MAGI1: variants seen among roughly 807,000 people sequenced by gnomAD.
The protein encoded by MAGI1 is membrane-associated guanylate kinase, WW and PDZ domain-containing protein 1.
Under a neutral mutation model 139.9 loss-of-function variants are expected in MAGI1, and 58 were observed. That is an observed-to-expected ratio of 0.41 (90% CI 0.34 to 0.52). The LOEUF (loss-of-function observed/expected upper bound fraction) is 0.52. Among genes scored for constraint, MAGI1 ranks in the 20% least tolerant of loss-of-function variants. The pLI, the probability that MAGI1 is intolerant of heterozygous loss-of-function variation, is 0.12. For synonymous variants in MAGI1, 812 were observed against 737.9 expected (o/e 1.10, Z -1.63); for missense variants, 1,874 against 1,901.6 (o/e 0.99, Z 0.27).
intron 4 of MAGI1, among the ~76,000 whole-genome samples, chr3:65,474,568 A>G (rs1489303555): frequency 6.6e-6 from 1 of 152,050 alleles, no homozygotes; most frequent in African/African-American, 2.4e-5. Flanking sequence ...ACGAACATGA[A>G]TGACATTTTT....
chr3:65,393,458 T>C (rs1394579182), intron 13 of MAGI1, among the ~76,000 whole-genome samples: 2 of 152,200 alleles, frequency 1.3e-5, no homozygotes, highest in African/African-American at 4.8e-5. Context: ...ATACTTTTTA[T>C]AATCAAGACA....
At chr3:65,532,835 A>G (rs1053116378) in intron 2 of MAGI1, 3 of 152,086 alleles carry the variant, frequency 2.0e-5, no homozygotes, top group African/African-American at 7.3e-5. Context: ...TTGCAGAGCA[A>G]TTTTCCCCAT....
At chr3:65,995,112 A>T (rs976240167) in intron 1 of MAGI1, among the ~76,000 whole-genome samples, 2 of 151,990 alleles carry the variant, frequency 1.3e-5, no homozygotes, top group Non-Finnish European at 2.9e-5. Context: ...CTGACCCTCA[A>T]CTCTTGCCCA....
At chr3:65,519,024 TG>T (rs1355640317) in intron 2 of MAGI1, among the ~76,000 whole-genome samples, 1 of 152,084 alleles carries the variant, frequency 6.6e-6, no homozygotes, top group Non-Finnish European at 1.5e-5. Flanking sequence ...GCAGGAGCCA[TG>T]GGCCAGGCCT....
chr3:65,438,251 T>C (rs976494152), intron 9 of MAGI1, among the ~76,000 whole-genome samples: 2 of 152,110 alleles, frequency 1.3e-5, no homozygotes, highest in African/African-American at 4.8e-5. Flanking sequence ...CTAGAGACCA[T>C]TACCTTAAGT....
chr3:65,457,959 T>C (rs981455931), intron 5 of MAGI1, among the ~76,000 whole-genome samples: 1 of 152,150 alleles, frequency 6.6e-6, no homozygotes, highest in Non-Finnish European at 1.5e-5. Flanking sequence ...TCCACCACCC[T>C]TCCCAGCCTC....
rs139114158 is a variant in MAGI1 at position 65,807,539 on chromosome 3, A to G, written c.314-185451T>C. Among the ~76,000 whole-genome samples, 200 of 152,312 alleles carry G rather than the reference A, an allele frequency of 1.3e-3. 3 individuals are homozygous for G. The East Asian group carries it at 0.033, about 25-fold the overall frequency. On this transcript the variant is annotated intron_variant, in intron 1 of 22. Coordinates refer to ENST00000402939, the MANE Select transcript of MAGI1 (RefSeq NM_001033057.2). ...TTTCACACCATAGCAGAGGGTGACC[A>G]GGGGTTCGCAAACAAGCCTAACTTA...
chr3:65,569,104 T>G (rs544992129), intron 2 of MAGI1, among the ~76,000 whole-genome samples: 4 of 152,314 alleles, frequency 2.6e-5, no homozygotes, highest in Non-Finnish European at 5.9e-5. Context: ...CAGCCTTAAA[T>G]AAGAATGAAG....
intron 1 of MAGI1, among the ~76,000 whole-genome samples, chr3:65,973,970 T>C (rs1265263648): frequency 2.6e-5 from 4 of 152,192 alleles, no homozygotes; most frequent in Non-Finnish European, 5.9e-5. Flanking sequence ...TTGCATTAAT[T>C]TCATCTAAAA....
chr3:65,871,073 G>T (rs1451437207), intron 1 of MAGI1, among the ~76,000 whole-genome samples: 1 of 151,954 alleles, frequency 6.6e-6, no homozygotes, highest in Non-Finnish European at 1.5e-5. Flanking sequence ...TGAGAAGCTG[G>T]AACTACAGGC....
chr3:66,001,069 G>C (rs1461517093), intron 1 of MAGI1, among the ~76,000 whole-genome samples: 2 of 152,194 alleles, frequency 1.3e-5, no homozygotes, highest in Non-Finnish European at 2.9e-5. Flanking sequence ...TCAAATAGGG[G>C]AGACAGAAAG....
intron 2 of MAGI1, among the ~76,000 whole-genome samples, chr3:65,505,668 AGGG>A (rs2077256236): frequency 1.3e-5 from 2 of 149,266 alleles, no homozygotes; most frequent in Non-Finnish European, 1.5e-5. Context: ...TAATAATAAT[AGGG>A]AATGACTGCT....
rs1559605530 is a variant in MAGI1 at position 65,493,642 on chromosome 3, AAAT to A, written c.431-14_431-12del. ...GAGATCGGGTTGTGCCTGTAGCAGA[AAAT>A]ACAAAGGCACAACAAACCATCAATC... On this transcript the variant is annotated splice_polypyrimidine_tract_variant and intron_variant, in intron 2 of 22. Coordinates refer to ENST00000402939, the MANE Select transcript of MAGI1 (RefSeq NM_001033057.2). 3.1e-6 allele frequency: 5 copies of A among 1,613,784 alleles called. No individual in the cohort carries two copies. The highest frequency in any genetic ancestry group is 4.2e-6 in the Non-Finnish European group (5 of 1,180,012).
chr3:65,856,144 C>T (rs9870525), intron 1 of MAGI1, among the ~76,000 whole-genome samples: 54,456 of 151,956 alleles, frequency 0.36, 10,287 homozygotes, highest in Middle Eastern at 0.45. Context: ...TTTTAACTAA[C>T]TTATATTTCG....
chr3:65,514,289 A>G (rs867702846), intron 2 of MAGI1, among the ~76,000 whole-genome samples: 4 of 137,322 alleles, frequency 2.9e-5, no homozygotes, highest in Non-Finnish European at 4.7e-5. Flanking sequence ...AATGGCAACA[A>G]AAGACAAAAT....
chr3:65,607,338 T>C (rs1393135770), intron 2 of MAGI1, among the ~76,000 whole-genome samples: 1 of 151,940 alleles, frequency 6.6e-6, no homozygotes, highest in Non-Finnish European at 1.5e-5. Flanking sequence ...TATATGCCCC[T>C]GAAGCAACTT....
chr3:66,038,798 G>A lies in MAGI1; in HGVS notation c.-490C>T. On this transcript the variant is annotated 5_prime_UTR_variant, in exon 1 of 23. Coordinates refer to ENST00000402939, the MANE Select transcript of MAGI1 (RefSeq NM_001033057.2). ...GCGGTGGCGGGGCGGCGGGGAGCAG[G>A]GCGGGAGGTAAGTGCTCGCGGCCCC... 1 of 157,014 alleles carries A rather than the reference G, an allele frequency of 6.4e-6. No individual in the cohort carries two copies. 9.7% of individuals were successfully genotyped at this position (157,014 alleles called of 1,614,324 possible).
At chr3:65,523,149 A>G (rs192576063) in intron 2 of MAGI1, among the ~76,000 whole-genome samples, 1 of 152,278 alleles carries the variant, frequency 6.6e-6, no homozygotes, top group African/African-American at 2.4e-5. Context: ...AGTCTTTTAT[A>G]CCACAGTCAA....
chr3:65,835,293 C>CTAAGTAAGGTAAAGGTAACTAAG (rs1183134058), intron 1 of MAGI1, among the ~76,000 whole-genome samples: 1 of 152,136 alleles, frequency 6.6e-6, no homozygotes, highest in Admixed American at 6.5e-5. Flanking sequence ...TACTATGTAA[C>CTAAGTAAGGTAAAGGTAACTAAG]TACCTTATTC....
Sources: gnomAD v4.1 joint callset for allele counts (sites outside exome capture counted in the v4.1 genomes callset) on GRCh38, gnomAD v4.1.1 for gene constraint, MANE v1.5 for transcripts, NCBI Gene and HGNC (gene_info 2026-07-23, HGNC 2026-07-21) for gene names.